ANKS1B: variants seen among roughly 807,000 people sequenced by gnomAD.
The protein encoded by ANKS1B is ankyrin repeat and sterile alpha motif domain-containing protein 1B.
Under a neutral mutation model 148.3 loss-of-function variants are expected in ANKS1B, and 36 were observed. That is an observed-to-expected ratio of 0.24 (90% CI 0.19 to 0.32). The LOEUF is 0.32. Among genes scored for constraint, ANKS1B ranks in the 10% least tolerant of loss-of-function variants. The pLI, the probability that ANKS1B is intolerant of heterozygous loss-of-function variation, is 1.00. For synonymous variants in ANKS1B, 542 were observed against 560.8 expected, an observed-to-expected ratio of 0.97 and a Z score of 0.47; for missense variants, 1,157 against 1,542.6, an observed-to-expected ratio of 0.75 and a Z score of 4.19.
intron 4 of ANKS1B, among the ~76,000 whole-genome samples, chr12:99,788,545 G>A (rs2065249094): frequency 6.6e-6 from 1 of 152,202 alleles, no homozygotes; most frequent in South Asian, 2.1e-4. Flanking sequence ...CCCAGCTGTG[G>A]TGGCTACGGT....
At chr12:99,133,831 T>C (rs1279477820) in intron 15 of ANKS1B, among the ~76,000 whole-genome samples, 1 of 152,144 alleles carries the variant, frequency 6.6e-6, no homozygotes, top group African/African-American at 2.4e-5. Flanking sequence ...GCAACGATGA[T>C]AACTAGCGCC....
At chr12:99,159,393 A>G (rs1482051356) in intron 14 of ANKS1B, among the ~76,000 whole-genome samples, 1 of 152,080 alleles carries the variant, frequency 6.6e-6, no homozygotes, top group Non-Finnish European at 1.5e-5. Flanking sequence ...TCCCTACTCC[A>G]GTAGTCCCCA....
At chr12:99,623,256 C>T (rs1399016423) in intron 9 of ANKS1B, among the ~76,000 whole-genome samples, 2 of 151,782 alleles carry the variant, frequency 1.3e-5, no homozygotes, top group Non-Finnish European at 2.9e-5. Context: ...AGGAAGCTAC[C>T]TTAAAATAAT....
intron 10 of ANKS1B, among the ~76,000 whole-genome samples, chr12:99,494,839 G>T (rs11109868): frequency 0.038 from 5,810 of 151,892 alleles, 383 homozygotes; most frequent in African/African-American, 0.13. Flanking sequence ...CATAGAAGAT[G>T]GAGCCAACCT....
intron 17 of ANKS1B, among the ~76,000 whole-genome samples, chr12:99,008,662 G>A (rs1411019622): frequency 2.0e-5 from 3 of 152,096 alleles, no homozygotes; most frequent in African/African-American, 4.8e-5. Context: ...GTGTCATTTA[G>A]GTAGATATGC....
Position 98,745,638 on chromosome 12 carries a change from A to G in ANKS1B, c.*101T>C. On this transcript the variant is annotated 3_prime_UTR_variant, in exon 27 of 27. Coordinates refer to ENST00000683438, the MANE Select transcript of ANKS1B (RefSeq NM_001352186.2). Reference sequence around the variant, plus strand: ...CGTAACAAGGCCGCACGCTCAGAGCAGTCTTCCTCCTGGGCTGGGTGGACG... The same window carrying G: ...CGTAACAAGGCCGCACGCTCAGAGCGGTCTTCCTCCTGGGCTGGGTGGACG... 6.6e-7 allele frequency: 1 copy of G among 1,524,336 alleles called. No individual in the cohort carries two copies. The highest frequency in any genetic ancestry group is 8.8e-7 in the Non-Finnish European group (1 of 1,134,984). 94.4% of individuals were successfully genotyped at this position (1,524,336 alleles called of 1,614,324 possible).
chr12:99,922,462 G>A (rs1214582592), intron 1 of ANKS1B, among the ~76,000 whole-genome samples: 1 of 152,082 alleles, frequency 6.6e-6, no homozygotes, highest in African/African-American at 2.4e-5. Flanking sequence ...ATTAAGAATA[G>A]GAAAGTCAAC....
At chr12:99,537,938 A>G (rs555815810) in intron 9 of ANKS1B, among the ~76,000 whole-genome samples, 2 of 152,136 alleles carry the variant, frequency 1.3e-5, no homozygotes, top group East Asian at 3.9e-4. Context: ...TTTGTAATTA[A>G]TGACAAATAG....
At chr12:99,057,715 G>C (rs1338633169) in intron 16 of ANKS1B, among the ~76,000 whole-genome samples, 1 of 151,542 alleles carries the variant, frequency 6.6e-6, no homozygotes, top group African/African-American at 2.4e-5. Flanking sequence ...CTGGCCAATA[G>C]AATGCGTGAA....
At chr12:99,712,290 A>G (rs1413046845) in intron 8 of ANKS1B, among the ~76,000 whole-genome samples, 1 of 152,242 alleles carries the variant, frequency 6.6e-6, no homozygotes, top group Non-Finnish European at 1.5e-5. Flanking sequence ...GATAGGCTGA[A>G]TAATAGCCCT....
At position 99,521,726 on chromosome 12, in the gene ANKS1B, A is replaced by ATCTCTC. The variant is rs202020332; in HGVS notation, c.1273-17091_1273-17086dup. On this transcript the variant is annotated intron_variant, in intron 9 of 26. Transcript: ENST00000683438. ...AAATAGAGTCAGTGTCTCTCTCTCA[A>ATCTCTC]TCTCTCGCTCTCTCTCTCTCTCTGC... is the stretch of plus-strand genomic sequence containing the variant. Among the ~76,000 whole-genome samples, 508 of 150,676 alleles carry ATCTCTC rather than the reference A, an allele frequency of 3.4e-3. 5 individuals carry two copies. Among genetic ancestry groups the ATCTCTC allele is most frequent in the African/African-American group, 0.012 (489 of 40,506 alleles).
intron 1 of ANKS1B, among the ~76,000 whole-genome samples, chr12:99,902,664 T>C (rs1267448442): frequency 1.3e-5 from 2 of 152,104 alleles, no homozygotes; most frequent in Admixed American, 6.6e-5. Context: ...GATCTATTGA[T>C]TGAGACTACA....
chr12:99,674,283 T>C (rs1273063755), intron 8 of ANKS1B, among the ~76,000 whole-genome samples: 2 of 151,942 alleles, frequency 1.3e-5, no homozygotes, highest in Middle Eastern at 3.4e-3. Context: ...GGGCTGAAAC[T>C]TTGTCATATT....
chr12:98,795,746 C>A, intron 22 of ANKS1B: 1 of 414,428 alleles, frequency 2.4e-6, no homozygotes, highest in Non-Finnish European at 4.7e-6. Context: ...GAGAGGCAGT[C>A]CAGTCTCTGG....
chr12:99,751,429 T>G (rs796721827), intron 8 of ANKS1B, among the ~76,000 whole-genome samples: 13 of 152,048 alleles, frequency 8.5e-5, no homozygotes, highest in African/African-American at 3.1e-4. Context: ...AGAAGAATGG[T>G]CCCGCCAGCA....
intron 17 of ANKS1B, among the ~76,000 whole-genome samples, chr12:98,944,883 G>C (rs1010666912): frequency 9.8e-5 from 15 of 152,354 alleles, no homozygotes; most frequent in Admixed American, 9.8e-4. Context: ...ATGGGATCCT[G>C]TTATAATCTG....
At chr12:99,002,841 T>C (rs2099933865) in intron 17 of ANKS1B, among the ~76,000 whole-genome samples, 1 of 152,226 alleles carries the variant, frequency 6.6e-6, no homozygotes, top group Admixed American at 6.5e-5. Context: ...TAGTCTGATG[T>C]AGTCCCATTT....
intron 15 of ANKS1B, among the ~76,000 whole-genome samples, chr12:99,109,936 G>T (rs925130829): frequency 4.6e-5 from 7 of 152,150 alleles, no homozygotes; most frequent in Non-Finnish European, 1.0e-4. Context: ...GCTCAGAGAA[G>T]GTAACCGTGG....
At chr12:99,588,935 T>C (rs1239719877) in intron 9 of ANKS1B, among the ~76,000 whole-genome samples, 1 of 152,216 alleles carries the variant, frequency 6.6e-6, no homozygotes, top group Admixed American at 6.5e-5. Context: ...CTACCTATTT[T>C]ATTAAATAAC....
Sources: allele counts gnomAD v4.1 joint callset (sites outside exome capture counted in the v4.1 genomes callset), GRCh38; gene constraint gnomAD v4.1.1; transcripts MANE v1.5; gene names NCBI Gene and HGNC (gene_info 2026-07-23, HGNC 2026-07-21).